Variants in CTNND2 observed in about 807,000 individuals in gnomAD.
The protein encoded by CTNND2 is catenin delta-2.
Under a neutral mutation model 144.4 loss-of-function variants are expected in CTNND2, and 22 were observed. That is an observed-to-expected ratio of 0.15 (90% CI 0.11 to 0.22). CTNND2 has a LOEUF of 0.22. Among genes scored for constraint, CTNND2 ranks in the 10% least tolerant of loss-of-function variants. The pLI is 1.00. For synonymous variants in CTNND2, 751 were observed against 695.6 expected (o/e 1.08, Z -1.25); for missense variants, 1,353 against 1,618.8 (o/e 0.84, Z 2.82).
At chr5:10,975,239 T>C (rs756883008) in intron 21 of CTNND2, among the ~76,000 whole-genome samples, 28 of 152,142 alleles carry the variant, frequency 1.8e-4, no homozygotes, top group Admixed American at 5.2e-4. Flanking sequence ...ACAGGGCTGT[T>C]TTCCAAGTGC....
chr5:11,034,627 G>A (rs575913039), intron 16 of CTNND2, among the ~76,000 whole-genome samples: 1 of 152,306 alleles, frequency 6.6e-6, no homozygotes, highest in East Asian at 1.9e-4. Context: ...GCAGCTTTCT[G>A]GAATCTCAGC....
At chr5:11,336,238 C>T (rs1445448670) in intron 9 of CTNND2, among the ~76,000 whole-genome samples, 1 of 152,184 alleles carries the variant, frequency 6.6e-6, no homozygotes, top group African/African-American at 2.4e-5. Flanking sequence ...TTGTCCAATT[C>T]TTTGTTCAAC....
intron 1 of CTNND2, among the ~76,000 whole-genome samples, chr5:11,843,432 G>C (rs910821868): frequency 1.3e-5 from 2 of 152,174 alleles, no homozygotes; most frequent in Admixed American, 6.5e-5. Context: ...ATACATTACA[G>C]ATCATCTACT....
chr5:11,354,581 A>C (rs1755667180), intron 8 of CTNND2, among the ~76,000 whole-genome samples: 1 of 152,212 alleles, frequency 6.6e-6, no homozygotes, highest in Admixed American at 6.5e-5. Flanking sequence ...CATTTCCACG[A>C]ACAGTCATAT....
intron 3 of CTNND2, among the ~76,000 whole-genome samples, chr5:11,523,677 A>G (rs183286690): frequency 9.8e-5 from 15 of 152,306 alleles, no homozygotes; most frequent in Admixed American, 7.8e-4. Flanking sequence ...CCCTTCACTG[A>G]GGTCTGAAAA....
At chr5:11,237,956 T>C (rs1337534703) in intron 9 of CTNND2, among the ~76,000 whole-genome samples, 1 of 152,222 alleles carries the variant, frequency 6.6e-6, no homozygotes, top group African/African-American at 2.4e-5. Flanking sequence ...GAAGCTAGAA[T>C]TATTTGCAGA....
chr5:11,224,994 T>A (rs1449413766), intron 10 of CTNND2, among the ~76,000 whole-genome samples: 1 of 152,180 alleles, frequency 6.6e-6, no homozygotes, highest in Non-Finnish European at 1.5e-5. Flanking sequence ...TGAAGTGTGA[T>A]ATATGAAATG....
At chr5:11,510,930 C>CAAAAA (rs58275679) in intron 3 of CTNND2, among the ~76,000 whole-genome samples, 1 of 144,050 alleles carries the variant, frequency 6.9e-6, no homozygotes, top group African/African-American at 2.5e-5. Flanking sequence ...GACTCTATCT[C>CAAAAA]AAAAAAAAAA....
At chr5:11,413,234 A>G (rs1236463645) in intron 3 of CTNND2, among the ~76,000 whole-genome samples, 1 of 152,212 alleles carries the variant, frequency 6.6e-6, no homozygotes, top group African/African-American at 2.4e-5. Context: ...AAGATGTGAC[A>G]TTATATAATA....
chr5:11,073,352 C>T (rs771585693), intron 16 of CTNND2, among the ~76,000 whole-genome samples: 2 of 152,184 alleles, frequency 1.3e-5, no homozygotes, highest in East Asian at 1.9e-4. Context: ...AGCTTTTCTT[C>T]GGAAACTGTT....
chr5:11,354,947 T>C (rs902400419), intron 8 of CTNND2, among the ~76,000 whole-genome samples: 9 of 152,162 alleles, frequency 5.9e-5, no homozygotes, highest in African/African-American at 2.2e-4. Flanking sequence ...AGAAAAACTT[T>C]GGAAACTTTA....
At chr5:11,226,845 T>A (rs1369985291) in intron 10 of CTNND2, among the ~76,000 whole-genome samples, 2 of 152,212 alleles carry the variant, frequency 1.3e-5, no homozygotes, top group Non-Finnish European at 2.9e-5. Context: ...ACTGCTGGAT[T>A]ATTGAGGTCA....
intron 9 of CTNND2, among the ~76,000 whole-genome samples, chr5:11,298,076 G>GT (rs1275735377): frequency 1.3e-5 from 2 of 152,306 alleles, no homozygotes; most frequent in South Asian, 2.1e-4. Flanking sequence ...CCATGCCAGT[G>GT]TAACTGCACC....
intron 10 of CTNND2, among the ~76,000 whole-genome samples, chr5:11,224,122 C>T (rs949491272): frequency 3.9e-5 from 6 of 152,156 alleles, no homozygotes; most frequent in African/African-American, 1.2e-4. Context: ...TATACCTCCA[C>T]GCAGCGGTAT....
Position 11,755,744 on chromosome 5 carries a change from A to G in CTNND2, c.38-23472T>C, listed in dbSNP as rs150669203. Among the ~76,000 whole-genome samples, 16 of 149,564 alleles carry G rather than the reference A, an allele frequency of 1.1e-4. No individual in the cohort carries two copies. The East Asian group carries it at 3.2e-3, about 30-fold the overall frequency. On this transcript the variant is annotated intron_variant, in intron 1 of 21. Coordinates refer to ENST00000304623, the MANE Select transcript of CTNND2 (RefSeq NM_001332.4). ...TTCTGCTGTTAATACTTGCAATTAT[A>G]TTATGAAATTCTTGAAGTGAGCTTT...
Position 11,111,024 on chromosome 5 carries a change from C to A in CTNND2, c.2297G>T (p.Cys766Phe). Reference sequence around the variant, plus strand: ...CCGGTACGAGAGGTTCCTTAAAATGCACACACAGTTTTCAACGGTCTGCAG... The same window carrying A: ...CCGGTACGAGAGGTTCCTTAAAATGAACACACAGTTTTCAACGGTCTGCAG... ...IDSKTVENCV[C>F]ILRNLSYRLA... Residue 766 changes from cysteine to phenylalanine, a missense_variant, in exon 14 of 22, where the codon TGC becomes TTC. Cys to Phe is a radical substitution (Grantham distance 205). This residue lies in a region of CTNND2 where 459 missense variants were observed against 674.3 expected (regional missense o/e 0.68). Transcript: ENST00000304623. 1 of 1,614,036 alleles carries A rather than the reference C, an allele frequency of 6.2e-7. No individual in the cohort carries two copies. The highest frequency in any genetic ancestry group is 8.5e-7 in the Non-Finnish European group (1 of 1,179,946).
intron 1 of CTNND2, among the ~76,000 whole-genome samples, chr5:11,793,684 G>C (rs1321452980): frequency 6.6e-6 from 1 of 152,146 alleles, no homozygotes; most frequent in South Asian, 2.1e-4. Context: ...GCATGGCACA[G>C]CTGACACCTT....
At chr5:11,731,729 C>T (rs564738976) in intron 2 of CTNND2, among the ~76,000 whole-genome samples, 1 of 152,156 alleles carries the variant, frequency 6.6e-6, no homozygotes, top group Non-Finnish European at 1.5e-5. Flanking sequence ...TTTGCCTTGA[C>T]TTTGATGTGA....
intron 1 of CTNND2, among the ~76,000 whole-genome samples, chr5:11,876,400 G>A (rs1735574204): frequency 6.6e-6 from 1 of 152,148 alleles, no homozygotes; most frequent in Non-Finnish European, 1.5e-5. Flanking sequence ...TTCAACTTGG[G>A]TCAAAGGTGA....
Sources: gnomAD v4.1 joint callset for allele counts (sites outside exome capture counted in the v4.1 genomes callset) on GRCh38, gnomAD v4.1.1 for gene constraint, gnomAD v4.1.1 regional missense constraint, MANE v1.5 for transcripts, NCBI Gene and HGNC (gene_info 2026-07-23, HGNC 2026-07-21) for gene names.